Variants in MB observed in about 807,000 individuals in gnomAD.
The protein encoded by MB is nitrite reductase MB.
In MB, 10 loss-of-function variants were observed where a neutral mutation model predicts 14.5. That is an observed-to-expected ratio of 0.69 (90% CI 0.43 to 1.17). The LOEUF is 1.17. Ranked by LOEUF, MB falls within the 50% of genes most tolerant of loss-of-function variation. The pLI is 0.00. For synonymous variants in MB, 89 were observed against 78.6 expected (o/e 1.13, Z -0.70); for missense variants, 169 against 192.7 (o/e 0.88, Z 0.73).
chr22:35,619,258 C>T (rs1289812184), upstream of MB, among the ~76,000 whole-genome samples: 1 of 152,214 alleles, frequency 6.6e-6, no homozygotes, highest in African/African-American at 2.4e-5. Context: ...TAGGCACAGG[C>T]CCTTCCTTCC....
intron 1 of MB, 170 bp downstream of exon 1, chr22:35,616,987 CTCTCCT>C (rs1027282204): frequency 3.4e-6 from 2 of 579,982 alleles, no homozygotes; most frequent in African/African-American, 3.8e-5. Context: ...GCTCCTTTCC[CTCTCCT>C]GAGTCCAATC....
At chr22:35,609,042 G>A (rs975431210) in intron 2 of MB, among the ~76,000 whole-genome samples, 1 of 152,144 alleles carries the variant, frequency 6.6e-6, no homozygotes, top group Non-Finnish European at 1.5e-5. Flanking sequence ...GGGAGACCTG[G>A]GTTCTAGTGG....
rs2145910256 is a variant in MB at position 35,608,559 on chromosome 22, C to T, written c.319-1116G>A. ...CCTCTGCTGGGAAAGAGGGGCAGCT[C>T]CACAAACGCCTACTCTTGGGCATCA... On this transcript the variant is annotated intron_variant, in intron 2 of 2. Coordinates refer to ENST00000397326, the MANE Select transcript of MB (RefSeq NM_005368.3). The surrounding 1 kb of genome is among the most constrained non-coding windows in gnomAD (Gnocchi z 4.3). Among the ~76,000 whole-genome samples, 1 of 152,322 alleles carries T rather than the reference C, an allele frequency of 6.6e-6. No homozygotes were observed. Among genetic ancestry groups the T allele is most frequent in the African/African-American group, 2.4e-5 (1 of 41,570 alleles).
chr22:35,623,349 A>C (rs1435609314), exon 1 of MB: 1 of 152,216 alleles, frequency 6.6e-6, no homozygotes, highest in Non-Finnish European at 1.5e-5. Flanking sequence ...CCAGGCCAAC[A>C]TGCTCTTTGA....
Position 35,617,154 on chromosome 22 carries a change from T to A in MB, c.95+9A>T. The A allele has an allele frequency of 1.9e-6, 3 of 1,609,376 alleles. No individual in the cohort carries two copies. The highest frequency in any genetic ancestry group is 2.6e-6 in the Non-Finnish European group (3 of 1,175,638). ...GGGTGGCAGGGGCAATGGAATCTCT[T>A]CCTTTTACCTGATGAGGACTTCCTG... On this transcript the variant is annotated intron_variant, in intron 1 of 2. Coordinates refer to ENST00000397326, the MANE Select transcript of MB (RefSeq NM_005368.3).
At chr22:35,620,049 T>C (rs1347193184), upstream of MB, among the ~76,000 whole-genome samples, 1 of 152,164 alleles carries the variant, frequency 6.6e-6, no homozygotes, top group African/African-American at 2.4e-5. Flanking sequence ...TAAAATGCCA[T>C]GGGGGGCCGG....
upstream of MB, among the ~76,000 whole-genome samples, chr22:35,619,478 A>T (rs1923330217): frequency 6.6e-6 from 1 of 152,186 alleles, no homozygotes; most frequent in Non-Finnish European, 1.5e-5. Flanking sequence ...TTTGAAGATA[A>T]CTGCCCTGCC....
chr22:35,607,274 G>A lies in MB; in HGVS notation c.*23C>T. On this transcript the variant is annotated 3_prime_UTR_variant, in exon 3 of 3. Transcript: ENST00000397326. ...TCTCTTGAACCCGGGGCCCAGATGG[G>A]TGGGGGTGGGAGCGGCAGGGGCCTA... The A allele has an allele frequency of 1.2e-6, 2 of 1,604,436 alleles. No individual in the cohort carries two copies. Among genetic ancestry groups the A allele is most frequent in the Non-Finnish European group, 1.7e-6 (2 of 1,173,362 alleles).
At chr22:35,619,488 C>A (rs1271357058), upstream of MB, among the ~76,000 whole-genome samples, 3 of 152,158 alleles carry the variant, frequency 2.0e-5, no homozygotes, top group Non-Finnish European at 4.4e-5. Flanking sequence ...ACTGCCCTGC[C>A]CCAATCTTGC....
chr22:35,609,588 A>G (rs1303310114), intron 2 of MB, among the ~76,000 whole-genome samples: 2 of 152,194 alleles, frequency 1.3e-5, no homozygotes, highest in African/African-American at 4.8e-5. Context: ...CTGGTTCCAG[A>G]GTACCATGGA....
At chr22:35,609,842 T>C (rs576505629) in intron 2 of MB, among the ~76,000 whole-genome samples, 2 of 152,348 alleles carry the variant, frequency 1.3e-5, no homozygotes, top group East Asian at 3.9e-4. Context: ...GCTCCGTAAC[T>C]AACTTCTGGC....
At chr22:35,616,270 A>C (rs539103438) in intron 1 of MB, among the ~76,000 whole-genome samples, 9 of 152,316 alleles carry the variant, frequency 5.9e-5, no homozygotes, top group Admixed American at 5.9e-4. Flanking sequence ...GATAGAAGGC[A>C]ACGAGGAGAT....
chr22:35,617,144 T>G lies in MB; in HGVS notation c.95+19A>C. 1 of 1,594,206 alleles carries G rather than the reference T, an allele frequency of 6.3e-7. No homozygotes were observed. The highest frequency in any genetic ancestry group is 8.6e-7 in the Non-Finnish European group (1 of 1,161,792). ...CTTAGGGTGTGGGTGGCAGGGGCAA[T>G]GGAATCTCTTCCTTTTACCTGATGA... is the stretch of plus-strand genomic sequence containing the variant. On this transcript the variant is annotated intron_variant, in intron 1 of 2. Transcript: ENST00000397326.
chr22:35,618,159 T>C (rs1923222983), upstream of MB, among the ~76,000 whole-genome samples: 1 of 152,184 alleles, frequency 6.6e-6, no homozygotes, highest in African/African-American at 2.4e-5. Context: ...ATGTGATAGG[T>C]ACTGACATTA....
At chr22:35,617,776 G>A (rs1923192430), upstream of MB, among the ~76,000 whole-genome samples, 1 of 152,128 alleles carries the variant, frequency 6.6e-6, no homozygotes, top group African/African-American at 2.4e-5. Context: ...CTGCCCCTTT[G>A]CCAGAGACCC....
At chr22:35,609,107 C>T (rs889790387) in intron 2 of MB, among the ~76,000 whole-genome samples, 1 of 152,342 alleles carries the variant, frequency 6.6e-6, no homozygotes, top group South Asian at 2.1e-4. Context: ...CACTCGGCTT[C>T]TTCCTCTCTA....
chr22:35,619,389 A>G (rs1353320834), upstream of MB, among the ~76,000 whole-genome samples: 2 of 152,216 alleles, frequency 1.3e-5, no homozygotes, highest in African/African-American at 4.8e-5. Context: ...GATGAGATTC[A>G]GAAAGGATAA....
chr22:35,607,393 G>A lies in MB; in HGVS notation c.369C>T (p.Asp123=). 2 of 1,614,114 alleles carry A rather than the reference G, an allele frequency of 1.2e-6. No individual in the cohort carries two copies. Among genetic ancestry groups the A allele is most frequent in the African/African-American group, 2.7e-5 (2 of 75,058 alleles). The change falls in exon 3 of 3, where the codon GAC becomes GAT. Residue 123 remains aspartate (D), a synonymous_variant. Coordinates refer to ENST00000397326, the MANE Select transcript of MB (RefSeq NM_005368.3). ...TGGCCCCCTGGGCATCAGCACCAAA[G>A]TCCCCGGGATGCTTGCTCTGCAGAA... is the stretch of plus-strand genomic sequence containing the variant. The part of the protein sequence containing the change: ...IQVLQSKHPG[D]FGADAQGAMN...
At chr22:35,617,647 C>A (rs528585249), upstream of MB, 44 of 196,758 alleles carry the variant, frequency 2.2e-4, no homozygotes, top group Non-Finnish European at 4.1e-4. Flanking sequence ...CAGCCTGAAA[C>A]CCAACGCTCC....
Sources: gnomAD v4.1 joint callset for allele counts (sites outside exome capture counted in the v4.1 genomes callset) on GRCh38, gnomAD v4.1.1 for gene constraint, Gnocchi (gnomAD v3.1) non-coding constraint, MANE v1.5 for transcripts, NCBI Gene and HGNC (gene_info 2026-07-23, HGNC 2026-07-21) for gene names.